The following TET2 variants were observed in gnomAD, a reference collection of about 807,000 sequenced individuals.
TET2 encodes the protein methylcytosine dioxygenase TET2.
TET2 carries 299 observed loss-of-function variants against 142.9 expected under a neutral mutation model. That is an observed-to-expected ratio of 2.09 (90% CI 1.90 to 2.30). TET2 has a LOEUF of 2.30. Ranked by LOEUF, TET2 falls within the 30% of genes most tolerant of loss-of-function variation. The pLI is 0.00. For synonymous variants in TET2, 819 were observed against 849.0 expected (o/e 0.96, Z 0.61); for missense variants, 2,418 against 2,378.0 (o/e 1.02, Z -0.35).
Position 105,234,733 on chromosome 4 carries a change from T to A in TET2, c.791T>A (p.Ile264Asn). Reference protein sequence around the residue: ...SQATNELSCEITHPSHTSGQI... With the variant: ...SQATNELSCENTHPSHTSGQI... ...GCTACTAATGAGTTGTCCTGTGAGA[T>A]CACTCACCCATCGCATACCTCAGGG... The change falls in exon 3 of 11, where the codon ATC (isoleucine) becomes AAC (asparagine). Residue 264 changes from isoleucine (I) to asparagine (N), a missense_variant. Coordinates refer to ENST00000380013, the MANE Select transcript of TET2 (RefSeq NM_001127208.3). 6.2e-7 allele frequency: 1 copy of A among 1,614,026 alleles called. No homozygotes were observed. Among genetic ancestry groups the A allele is most frequent in the Non-Finnish European group, 8.5e-7 (1 of 1,180,018 alleles).
intron 8 of TET2, among the ~76,000 whole-genome samples, chr4:105,266,003 G>A (rs1012132044): frequency 1.3e-5 from 2 of 152,158 alleles, no homozygotes; most frequent in Non-Finnish European, 2.9e-5. Context: ...TCAGAGAGGA[G>A]AGAGTGTTAT....
At chr4:105,201,569 GT>G (rs1401341344) in intron 2 of TET2, among the ~76,000 whole-genome samples, 2 of 151,800 alleles carry the variant, frequency 1.3e-5, no homozygotes, top group African/African-American at 2.4e-5. Context: ...TGAGAGTTGT[GT>G]TTTTTTAAAC....
intron 1 of TET2, among the ~76,000 whole-genome samples, chr4:105,150,140 A>G (rs937511782): frequency 3.3e-5 from 5 of 152,144 alleles, no homozygotes; most frequent in South Asian, 2.1e-4. Context: ...CAGAAACTCT[A>G]TTTTCCATCC....
chr4:105,226,154 C>G (rs1265961380), intron 2 of TET2, among the ~76,000 whole-genome samples: 1 of 152,016 alleles, frequency 6.6e-6, no homozygotes, highest in Non-Finnish European at 1.5e-5. Flanking sequence ...AAACTTACTC[C>G]TTTAATTATG....
intron 1 of TET2, among the ~76,000 whole-genome samples, chr4:105,164,185 C>G (rs1430294314): frequency 6.6e-6 from 1 of 152,142 alleles, no homozygotes; most frequent in Non-Finnish European, 1.5e-5. Flanking sequence ...CTTTGACAAA[C>G]CTATTTCCCC....
Position 105,237,282 on chromosome 4 carries a change from A to G in TET2, c.3340A>G (p.Thr1114Ala). The stretch of plus-strand genomic sequence containing the variant: ...AGAGTCACCTTCCAAATTACTAGAT[A>G]CTCCTATAAAAAATTTATTGGATAC... Reference protein sequence around the residue: ...FIESPSKLLDTPIKNLLDTPV... With the variant: ...FIESPSKLLDAPIKNLLDTPV... Residue 1114 changes from threonine to alanine, a missense_variant, in exon 3 of 11, where the codon ACT becomes GCT. Transcript: ENST00000380013. 3 of 1,614,018 alleles carry G rather than the reference A, an allele frequency of 1.9e-6. No homozygotes were observed. The highest frequency in any genetic ancestry group is 1.7e-4 in the Middle Eastern group (1 of 6,060).
intron 1 of TET2, among the ~76,000 whole-genome samples, chr4:105,178,854 T>C (rs910060773): frequency 1.3e-5 from 2 of 152,186 alleles, no homozygotes; most frequent in Admixed American, 6.5e-5. Context: ...TATCAGTTCA[T>C]TTTCATACTG....
intron 8 of TET2, among the ~76,000 whole-genome samples, chr4:105,267,635 A>G (rs1730750219): frequency 6.6e-6 from 1 of 151,764 alleles, no homozygotes; most frequent in Admixed American, 6.6e-5. Context: ...GGACCAAAAA[A>G]AGATAAATAT....
intron 1 of TET2, among the ~76,000 whole-genome samples, chr4:105,183,803 T>C (rs1194114164): frequency 1.3e-5 from 2 of 152,278 alleles, no homozygotes; most frequent in African/African-American, 4.8e-5. Context: ...GTTCCTTGTG[T>C]GAAGAAAAAG....
Position 105,236,128 on chromosome 4 carries a change from A to G in TET2, c.2186A>G (p.Gln729Arg), listed in dbSNP as rs1728876113. The stretch of plus-strand genomic sequence containing the variant: ...CATAAGCCTCATAAACAGGCAGCAC[A>G]AACACAACCATCCCAGAGTTCACAT... Reference protein sequence around the residue: ...LQHKPHKQAAQTQPSQSSHLP... With the variant: ...LQHKPHKQAARTQPSQSSHLP... Residue 729 changes from glutamine to arginine, a missense_variant, in exon 3 of 11, where the codon CAA (glutamine) becomes CGA (arginine). Physicochemically the swap from Gln to Arg is conservative, Grantham distance 43. Coordinates refer to ENST00000380013, the MANE Select transcript of TET2 (RefSeq NM_001127208.3). 6.2e-7 allele frequency: 1 copy of G among 1,614,052 alleles called. No homozygotes were observed. The highest frequency in any genetic ancestry group is 1.1e-5 in the South Asian group (1 of 91,088).
Position 105,259,734 on chromosome 4 carries a change from AG to A in TET2, c.3921del (p.Lys1308SerfsTer55). On this transcript the variant is annotated frameshift_variant, in exon 7 of 11. Coordinates refer to ENST00000380013, the MANE Select transcript of TET2 (RefSeq NM_001127208.3). LOFTEE classifies it high-confidence loss of function. ...TAAGTTTGCCAGAAGCAAGATCCCA[AG>A]GAAGTTTAAGCTGCTTGGGGATGAC... ...GCKFARSKIP[R>X]KFKLLGDDPK... is the part of the protein sequence containing the mutation. 1 of 1,550,990 alleles carries A rather than the reference AG, an allele frequency of 6.4e-7. No homozygotes were observed. The highest frequency in any genetic ancestry group is 8.7e-7 in the Non-Finnish European group (1 of 1,146,482).
chr4:105,148,777 T>C (rs1723160145), intron 1 of TET2, among the ~76,000 whole-genome samples: 1 of 152,200 alleles, frequency 6.6e-6, no homozygotes, highest in African/African-American at 2.4e-5. Context: ...AATGAAGTGT[T>C]GGATAATCAA....
chr4:105,191,422 A>G lies in TET2; in HGVS notation c.-47+917A>G, dbSNP rs141334221. Among the ~76,000 whole-genome samples, 457 of 152,300 alleles carry G rather than the reference A, an allele frequency of 3.0e-3. 5 individuals are homozygous for G. Among genetic ancestry groups the G allele is most frequent in the African/African-American group, 7.2e-3 (301 of 41,564 alleles). On this transcript the variant is annotated intron_variant, in intron 2 of 10. Coordinates refer to ENST00000380013, the MANE Select transcript of TET2 (RefSeq NM_001127208.3). ...GATGAGAATGAATTCTACAATATAT[A>G]ATTTTGCCTGAACTATATAAGACAG...
chr4:105,235,411 TACAG>T lies in TET2; in HGVS notation c.1472_1475del (p.Gln491LeufsTer5). ...AATAATTGTGTGAACAGGAATGACATACAGACTGCAGGGACAATGACTGTTCCAT... is the reference window on the plus strand; with the variant it reads ...AATAATTGTGTGAACAGGAATGACATACTGCAGGGACAATGACTGTTCCAT... On this transcript the variant is annotated frameshift_variant, in exon 3 of 11. Transcript: ENST00000380013. LOFTEE classifies it high-confidence loss of function. The T allele has an allele frequency of 6.2e-7, 1 of 1,614,194 alleles. No individual in the cohort carries two copies. Among genetic ancestry groups the T allele is most frequent in the Non-Finnish European group, 8.5e-7 (1 of 1,180,028 alleles).
At chr4:105,146,517 C>A (rs985390183), upstream of TET2, 1 of 152,452 alleles carries the variant, frequency 6.6e-6, no homozygotes, top group Non-Finnish European at 1.5e-5. Flanking sequence ...CCCCGCTGTA[C>A]GGCCCCAGGT....
At chr4:105,147,931 A>G (rs1723113230) in intron 1 of TET2, 1 of 152,254 alleles carries the variant, frequency 6.6e-6, no homozygotes, top group African/African-American at 2.4e-5. Flanking sequence ...ATCCCAGCAA[A>G]GAAGTGAAGA....
At chr4:105,199,865 A>C (rs1287473052) in intron 2 of TET2, among the ~76,000 whole-genome samples, 1 of 152,214 alleles carries the variant, frequency 6.6e-6, no homozygotes, top group Non-Finnish European at 1.5e-5. Flanking sequence ...TGCAAAAAAC[A>C]TGATCTTATT....
chr4:105,249,426 G>A (rs1729753520), intron 6 of TET2, among the ~76,000 whole-genome samples: 1 of 152,172 alleles, frequency 6.6e-6, no homozygotes, highest in Admixed American at 6.5e-5. Context: ...ACAAGTTTTT[G>A]TGTGAACATG....
chr4:105,261,826 C>T lies in TET2; in HGVS notation c.4022C>T (p.Ala1341Val), dbSNP rs1237455003. 1 of 1,546,762 alleles carries T rather than the reference C, an allele frequency of 6.5e-7. No homozygotes were observed. The highest frequency in any genetic ancestry group is 8.7e-7 in the Non-Finnish European group (1 of 1,143,618). The stretch of plus-strand genomic sequence containing the variant: ...ATGGCACCAACATATAAGAAACTTG[C>T]ACCTGATGCATATAATAATCAGGTA... ...TLMAPTYKKLAPDAYNNQIEY... is the reference protein window; with the variant it reads ...TLMAPTYKKLVPDAYNNQIEY... The change falls in exon 8 of 11, where the codon GCA (alanine) becomes GTA (valine). Residue 1341 changes from alanine to valine, a missense_variant. Coordinates refer to ENST00000380013, the MANE Select transcript of TET2 (RefSeq NM_001127208.3).
Sources: gnomAD v4.1 joint callset for allele counts (sites outside exome capture counted in the v4.1 genomes callset) on GRCh38, gnomAD v4.1.1 for gene constraint, MANE v1.5 for transcripts, NCBI Gene and HGNC (gene_info 2026-07-23, HGNC 2026-07-21) for gene names.